RPS6KA2: variants seen among roughly 807,000 people sequenced by gnomAD.
The protein encoded by RPS6KA2 is ribosomal protein S6 kinase A2, also known as ribosomal protein S6 kinase alpha-2.
RPS6KA2 carries 42 observed loss-of-function variants against 91.8 expected under a neutral mutation model. The observed-to-expected ratio is 0.46, with a 90% CI of 0.36 to 0.59. RPS6KA2 has a LOEUF of 0.59. RPS6KA2 is among the 20% of genes least tolerant of loss of function. The probability of loss-of-function intolerance (pLI) is 0.00; values close to 1 mark genes in which losing one functional copy is unlikely to be tolerated. For missense variants in RPS6KA2, 798 were observed against 978.5 expected (o/e 0.82, Z 2.46); for synonymous variants, 414 against 393.6 (o/e 1.05, Z -0.61).
rs975234248 is a variant in RPS6KA2, at chr6:166,554,980, G to T, written c.100-16196C>A. 2.0e-5 allele frequency among the ~76,000 whole-genome samples: 3 copies of T among 152,218 alleles called. No individual in the cohort carries two copies. Among genetic ancestry groups the T allele is most frequent in the Non-Finnish European group, 4.4e-5 (3 of 68,036 alleles). On this transcript the variant is annotated intron_variant, in intron 1 of 20. Transcript: ENST00000265678. The surrounding 1 kb of genome is among the most constrained non-coding windows in gnomAD (Gnocchi z 4.3). ...TCTACAGAGCTAGAATACTGTTCAAGCGACAGCAGAAAACATCAGTTCCCT... is the reference window on the plus strand; with the variant it reads ...TCTACAGAGCTAGAATACTGTTCAATCGACAGCAGAAAACATCAGTTCCCT...
At chr6:166,424,686 C>T (rs570946634) in intron 16 of RPS6KA2, among the ~76,000 whole-genome samples, 2 of 152,310 alleles carry the variant, frequency 1.3e-5, no homozygotes, top group African/African-American at 4.8e-5. Context: ...GTTAGGGAGT[C>T]AGTGAATGAA....
At chr6:166,728,644 A>C (rs1790420152) in intron 2 of RPS6KA2, among the ~76,000 whole-genome samples, 1 of 152,192 alleles carries the variant, frequency 6.6e-6, no homozygotes, top group South Asian at 2.1e-4. Context: ...GGAAGCTGGA[A>C]ATTATTAGTG....
At chr6:166,674,598 G>A (rs1583007876) in intron 2 of RPS6KA2, among the ~76,000 whole-genome samples, 1 of 152,190 alleles carries the variant, frequency 6.6e-6, no homozygotes, top group South Asian at 2.1e-4. Context: ...GCTGTTTATG[G>A]AAATAAGAAA....
intron 2 of RPS6KA2, among the ~76,000 whole-genome samples, chr6:166,748,088 G>C (rs979972211): frequency 6.6e-6 from 1 of 152,146 alleles, no homozygotes; most frequent in African/African-American, 2.4e-5. Context: ...TGGTGACCAG[G>C]GTGAACGAGA....
At chr6:166,619,311 T>C (rs1297325992) in intron 1 of RPS6KA2, among the ~76,000 whole-genome samples, 1 of 152,250 alleles carries the variant, frequency 6.6e-6, no homozygotes, top group Non-Finnish European at 1.5e-5. Context: ...CCTGAAGTGA[T>C]GAGAAACCAA....
chr6:166,547,297 T>C (rs1018672085), intron 1 of RPS6KA2, among the ~76,000 whole-genome samples: 1 of 152,212 alleles, frequency 6.6e-6, no homozygotes, highest in Non-Finnish European at 1.5e-5. Context: ...GTTTGGGCTC[T>C]GCAAGGAAAG....
intron 3 of RPS6KA2, among the ~76,000 whole-genome samples, chr6:166,521,177 T>C (rs1190492417): frequency 6.6e-6 from 1 of 152,196 alleles, no homozygotes; most frequent in Non-Finnish European, 1.5e-5. Context: ...TGCAGGAGCC[T>C]TGGGGGTGTG....
rs2128558108 is a variant in RPS6KA2, at chr6:166,662,579, G to A, written c.124-123795C>T. Among the ~76,000 whole-genome samples, 1 of 152,300 alleles carries A rather than the reference G, an allele frequency of 6.6e-6. No individual in the cohort carries two copies. Among genetic ancestry groups the A allele is most frequent in the Admixed American group, 6.5e-5 (1 of 15,300 alleles). On this transcript the variant is annotated intron_variant, in intron 2 of 21. Coordinates refer to the RPS6KA2 transcript ENST00000503859. The surrounding 1 kb of genome is among the most constrained non-coding windows in gnomAD (Gnocchi z 4.3). ...GTTAGTTTGCACCAGTTCCAGGAAA[G>A]AGATTCAATATGAAAATATGGACAC... is the stretch of plus-strand genomic sequence containing the variant.
chr6:166,532,346 C>T (rs1463313923), intron 2 of RPS6KA2, among the ~76,000 whole-genome samples: 3 of 152,230 alleles, frequency 2.0e-5, no homozygotes, highest in Non-Finnish European at 4.4e-5. Flanking sequence ...CGTCTAGACA[C>T]TTACCGAGTG....
intron 1 of RPS6KA2, among the ~76,000 whole-genome samples, chr6:166,571,082 ACAGTGCGGTGAGGACGCAC>A (rs1284482047): frequency 6.6e-6 from 1 of 152,246 alleles, no homozygotes; most frequent in Non-Finnish European, 1.5e-5. Context: ...CACTGTCACA[ACAGTGCGGTGAGGACGCAC>A]CCCAGGACCG....
chr6:166,525,388 G>A (rs1782989422), intron 3 of RPS6KA2, among the ~76,000 whole-genome samples: 1 of 152,156 alleles, frequency 6.6e-6, no homozygotes, highest in African/African-American at 2.4e-5. Context: ...GTCAGAGGGA[G>A]AGGAGCAAGG....
In RPS6KA2 at chr6:166,490,793, T is replaced by G. The variant is rs1163626221; in HGVS notation, c.748-52A>C. The G allele has an allele frequency of 7.0e-7, 1 of 1,422,992 alleles. No homozygotes were observed. The allele number at this position is 1,422,992 out of a possible 1,614,324, so 88.1% of individuals were successfully genotyped here. On this transcript the variant is annotated intron_variant, in intron 8 of 20. Transcript: ENST00000265678. The surrounding 1 kb of genome is among the most constrained non-coding windows in gnomAD (Gnocchi z 4.2). Reference sequence around the variant, plus strand: ...GTTCATTCATCCAGATGGACCCGGCTTCACGGCAGAGTACCCCAGCAGGGC... The same window carrying G: ...GTTCATTCATCCAGATGGACCCGGCGTCACGGCAGAGTACCCCAGCAGGGC...
intron 3 of RPS6KA2, among the ~76,000 whole-genome samples, chr6:166,518,984 A>G (rs1014305509): frequency 6.6e-5 from 10 of 152,226 alleles, no homozygotes; most frequent in African/African-American, 1.9e-4. Flanking sequence ...TTCATGGCCC[A>G]TATCCAGGGA....
chr6:166,754,598 G>A (rs1057024736), intron 2 of RPS6KA2, among the ~76,000 whole-genome samples: 1 of 152,134 alleles, frequency 6.6e-6, no homozygotes, highest in Non-Finnish European at 1.5e-5. Flanking sequence ...GGTGGGGGTG[G>A]GCTCTGGTTT....
rs1781976525 is a variant in RPS6KA2, at chr6:166,500,235, G to A, written c.604+652C>T. On this transcript the variant is annotated intron_variant, in intron 7 of 20. Transcript: ENST00000265678. This position sits in a 1 kb window ranked among gnomAD's most constrained non-coding sequence, Gnocchi z 4.3. Reference sequence around the variant, plus strand: ...TTTCACACTTGGGGCCTCCTGACCTGTCAGGTGATAAGTTTGTGTGGTTTA... The same window carrying A: ...TTTCACACTTGGGGCCTCCTGACCTATCAGGTGATAAGTTTGTGTGGTTTA... 6.6e-6 allele frequency among the ~76,000 whole-genome samples: 1 copy of A among 152,238 alleles called. No individual in the cohort carries two copies. Among genetic ancestry groups the A allele is most frequent in the Admixed American group, 6.5e-5 (1 of 15,290 alleles).
At chr6:166,517,455 GTTTTTTTTTTTTTTTTTT>G (rs71032809) in intron 3 of RPS6KA2, among the ~76,000 whole-genome samples, 49 of 104,914 alleles carry the variant, frequency 4.7e-4, no homozygotes, top group East Asian at 2.4e-3. Context: ...CTTTTGTTTT[GTTTTTTTTTTTTTTTTTT>G]TTTTTTTTTT....
At chr6:166,427,996 G>C (rs1293115460) in intron 16 of RPS6KA2, among the ~76,000 whole-genome samples, 1 of 151,386 alleles carries the variant, frequency 6.6e-6, no homozygotes, top group Non-Finnish European at 1.5e-5. Context: ...GCATCGCCAA[G>C]TCAATCCTAA....
chr6:166,592,518 C>T (rs1414663357), intron 1 of RPS6KA2, among the ~76,000 whole-genome samples: 2 of 152,118 alleles, frequency 1.3e-5, no homozygotes, highest in Non-Finnish European at 2.9e-5. Context: ...CCCAGAAGCC[C>T]AGAGTCAGTG....
In RPS6KA2 at chr6:166,448,633, A is replaced by T. The variant is rs1779753125; in HGVS notation, c.1332+91T>A. 2.1e-6 allele frequency: 3 copies of T among 1,414,734 alleles called. No homozygotes were observed. The highest frequency in any genetic ancestry group is 1.4e-5 in the African/African-American group (1 of 70,120). The allele number at this position is 1,414,734 out of a possible 1,614,324, so 87.6% of individuals were successfully genotyped here. ...CGCTGCACTCACACAGGGCCCTGCT[A>T]TGCTCCTATGCTCCGTGCTCCCACA... is the stretch of plus-strand genomic sequence containing the variant. On this transcript the variant is annotated intron_variant, in intron 14 of 20. Transcript: ENST00000265678. The surrounding 1 kb of genome is among the most constrained non-coding windows in gnomAD (Gnocchi z 4.7).
Sources: allele counts gnomAD v4.1 joint callset (sites outside exome capture counted in the v4.1 genomes callset), GRCh38; gene constraint gnomAD v4.1.1; non-coding constraint Gnocchi (gnomAD v3.1); transcripts MANE v1.5; gene names NCBI Gene and HGNC (gene_info 2026-07-23, HGNC 2026-07-21).